CARM1: variants seen among roughly 807,000 people sequenced by gnomAD.
The protein encoded by CARM1 is coactivator associated arginine methyltransferase 1.
A neutral mutation model predicts 72.7 loss-of-function variants in CARM1; 14 were observed. That is an observed-to-expected ratio of 0.19 (90% CI 0.13 to 0.30). The LOEUF (loss-of-function observed/expected upper bound fraction) is 0.30, where lower values mean the gene tolerates loss of function less well. CARM1 is among the 10% of genes least tolerant of loss of function. The probability of loss-of-function intolerance (pLI) is 1.00; values close to 1 mark genes in which losing one functional copy is unlikely to be tolerated. For missense variants in CARM1, 432 were observed against 833.7 expected, an observed-to-expected ratio of 0.52 and a Z score of 5.93; for synonymous variants, 333 against 345.5, an observed-to-expected ratio of 0.96 and a Z score of 0.40.
intron 1 of CARM1, among the ~76,000 whole-genome samples, chr19:10,899,576 C>T (rs1724758356): frequency 1.3e-5 from 2 of 152,102 alleles, no homozygotes. Context: ...CATGCCCTGC[C>T]CTCAGGAGGG....
intron 3 of CARM1, 104 bp downstream of exon 3, chr19:10,908,249 G>T: frequency 1.3e-6 from 1 of 743,862 alleles, no homozygotes; most frequent in South Asian, 1.5e-5. Flanking sequence ...CCAAGTTCCC[G>T]TCCTGGCTCT....
intron 1 of CARM1, among the ~76,000 whole-genome samples, chr19:10,876,349 C>G (rs2073864580): frequency 6.6e-6 from 1 of 152,224 alleles, no homozygotes; most frequent in African/African-American, 2.4e-5. Context: ...GTCCATGTTA[C>G]TGACAGCAGT....
intron 8 of CARM1, among the ~76,000 whole-genome samples, chr19:10,917,722 T>C (rs964062041): frequency 4.0e-5 from 6 of 148,876 alleles, no homozygotes; most frequent in African/African-American, 1.5e-4. Flanking sequence ...CTTTTTCTTT[T>C]TTTTTTTTTT....
intron 1 of CARM1, among the ~76,000 whole-genome samples, chr19:10,885,888 A>ATTTCTT (rs1555724861): frequency 1.3e-5 from 1 of 78,778 alleles, no homozygotes. Flanking sequence ...TCACTCCCTC[A>ATTTCTT]TTTTTTTTTT....
intron 8 of CARM1, among the ~76,000 whole-genome samples, chr19:10,917,810 C>T (rs1426429893): frequency 1.3e-5 from 2 of 150,734 alleles, no homozygotes; most frequent in Non-Finnish European, 2.9e-5. Flanking sequence ...CTCCACTTTC[C>T]GGGCTCAAGC....
At chr19:10,883,678 T>C (rs1158427985) in intron 1 of CARM1, among the ~76,000 whole-genome samples, 6 of 152,194 alleles carry the variant, frequency 3.9e-5, no homozygotes. Flanking sequence ...CTTAGCCTCC[T>C]GAGTAGCTGG....
chr19:10,912,742 C>G lies in CARM1; in HGVS notation c.669+448C>G, dbSNP rs2074162322. Among the ~76,000 whole-genome samples, 1 of 152,094 alleles carries G rather than the reference C, an allele frequency of 6.6e-6. No individual in the cohort carries two copies. Among genetic ancestry groups the G allele is most frequent in the African/African-American group, 2.4e-5 (1 of 41,422 alleles). On this transcript the variant is annotated intron_variant, in intron 5 of 15. Coordinates refer to ENST00000327064, the MANE Select transcript of CARM1 (RefSeq NM_199141.2). The surrounding 1 kb of genome is among the most constrained non-coding windows in gnomAD (Gnocchi z 4.5). ...TCCCTGCTCTGCCTCTCCCATGGAT[C>G]TGGGGTCGCCGGGGTCGTGGAGGGG...
chr19:10,906,272 A>G (rs755444366), intron 2 of CARM1, among the ~76,000 whole-genome samples: 67 of 152,028 alleles, frequency 4.4e-4, no homozygotes, highest in Middle Eastern at 6.8e-3. Flanking sequence ...TCTTAAGACT[A>G]TTTGTATTTT....
intron 2 of CARM1, among the ~76,000 whole-genome samples, chr19:10,906,105 G>A (rs924671055): frequency 2.0e-5 from 3 of 150,288 alleles, no homozygotes; most frequent in Non-Finnish European, 3.0e-5. Flanking sequence ...GTGTGCCACC[G>A]TGCCTGGCTA....
At chr19:10,890,253 G>GT (rs1367902441) in intron 1 of CARM1, among the ~76,000 whole-genome samples, 3 of 140,176 alleles carry the variant, frequency 2.1e-5, no homozygotes, top group South Asian at 2.4e-4. Flanking sequence ...TGGTTTTTTT[G>GT]TTTTTTGTTT....
chr19:10,912,073 A>G lies in CARM1; in HGVS notation c.559-111A>G. 4.8e-6 allele frequency: 4 copies of G among 825,398 alleles called. No homozygotes were observed. The highest frequency in any genetic ancestry group is 2.4e-5 in the East Asian group (1 of 41,032). 51.1% of individuals were successfully genotyped at this position (825,398 alleles called of 1,614,324 possible). A position where few individuals can be genotyped will look rare whatever the true frequency, so the allele number is the denominator to read the frequency against. The stretch of plus-strand genomic sequence containing the variant: ...GACCAAGAGCCCATAAAGGGCAAAC[A>G]TTGAGAGTGAAGACAGACGCCTCAT... On this transcript the variant is annotated intron_variant, in intron 4 of 15. Coordinates refer to ENST00000327064, the MANE Select transcript of CARM1 (RefSeq NM_199141.2). This position sits in a 1 kb window ranked among gnomAD's most constrained non-coding sequence, Gnocchi z 4.5.
At chr19:10,890,468 A>G (rs558248348) in intron 1 of CARM1, among the ~76,000 whole-genome samples, 7 of 151,268 alleles carry the variant, frequency 4.6e-5, no homozygotes, top group African/African-American at 9.7e-5. Context: ...GGGTTTTACC[A>G]TGTTGGCCAG....
chr19:10,891,732 T>C (rs1410272612), intron 1 of CARM1, among the ~76,000 whole-genome samples: 8 of 152,212 alleles, frequency 5.3e-5, no homozygotes, highest in Admixed American at 2.0e-4. Context: ...CTATCTTTCA[T>C]GTACAAGGGA....
intron 14 of CARM1, 122 bp downstream of exon 14, chr19:10,921,249 G>T: frequency 2.1e-6 from 3 of 1,421,140 alleles, no homozygotes; most frequent in Non-Finnish European, 9.9e-7. Context: ...TCCTCTTCCT[G>T]GGGGCTCTCG....
At chr19:10,886,338 C>T (rs1179922812) in intron 1 of CARM1, among the ~76,000 whole-genome samples, 2 of 151,830 alleles carry the variant, frequency 1.3e-5, no homozygotes, top group African/African-American at 4.8e-5. Context: ...GGATTACAGG[C>T]GTGAGCCACC....
intron 4 of CARM1, among the ~76,000 whole-genome samples, chr19:10,911,846 C>A (rs890876190): frequency 6.6e-6 from 1 of 152,196 alleles, no homozygotes; most frequent in African/African-American, 2.4e-5. Flanking sequence ...AACTCGGGCC[C>A]CTTTCCTCCA....
chr19:10,921,212 C>T (rs942998699), intron 14 of CARM1, 85 bp downstream of exon 14: 72 of 1,477,886 alleles, frequency 4.9e-5, no homozygotes, highest in Admixed American at 1.0e-4. Flanking sequence ...TGACCAGGGT[C>T]GGCCTCTGCT....
rs1029483892 is a variant in CARM1 at position 10,871,752 on chromosome 19, C to G, written c.50C>G (p.Ser17Trp). 16 of 1,083,502 alleles carry G rather than the reference C, an allele frequency of 1.5e-5. No individual in the cohort carries two copies. The highest frequency in any genetic ancestry group is 3.4e-5 in the African/African-American group (2 of 59,086). 67.1% of individuals were successfully genotyped at this position (1,083,502 alleles called of 1,614,324 possible). Residue 17 changes from serine (S) to tryptophan (W), a missense_variant, in exon 1 of 16, where the codon TCG (serine) becomes TGG (tryptophan). By Grantham distance (177) the Ser-to-Trp change is radical. Around this residue, in one of 3 missense-constraint regions of CARM1, gnomAD observed 138 missense variants for 192.3 expected, o/e 0.72. Transcript: ENST00000327064. The surrounding 1 kb of genome is among the most constrained non-coding windows in gnomAD (Gnocchi z 5.6). ...AVGPGAGGAG[S>W]AVPGGAGPCA... Reference sequence around the variant, plus strand: ...GGGCCGGGCGCGGGCGGCGCGGGGTCGGCGGTCCCGGGCGGCGCGGGGCCC... The same window carrying G: ...GGGCCGGGCGCGGGCGGCGCGGGGTGGGCGGTCCCGGGCGGCGCGGGGCCC...
At chr19:10,873,704 A>C (rs962607052) in intron 1 of CARM1, among the ~76,000 whole-genome samples, 15 of 124,550 alleles carry the variant, frequency 1.2e-4, no homozygotes, top group South Asian at 2.6e-4. Flanking sequence ...CAGTGGCTCA[A>C]TCTCGGCTCA....
Sources: gnomAD v4.1 joint callset for allele counts (sites outside exome capture counted in the v4.1 genomes callset) on GRCh38, gnomAD v4.1.1 for gene constraint, gnomAD v4.1.1 regional missense constraint, Gnocchi (gnomAD v3.1) non-coding constraint, MANE v1.5 for transcripts, NCBI Gene and HGNC (gene_info 2026-07-23, HGNC 2026-07-21) for gene names.